Variants in EFEMP1 observed in about 807,000 individuals in gnomAD.
The protein encoded by EFEMP1 is EGF-containing fibulin-like extracellular matrix protein 1.
A neutral mutation model predicts 65.7 loss-of-function variants in EFEMP1; 18 were observed. The ratio of observed to expected loss-of-function variants is 0.27; its 90% CI spans 0.19 to 0.41. The LOEUF (loss-of-function observed/expected upper bound fraction) is 0.41. EFEMP1 is among the 10% of genes least tolerant of loss of function. EFEMP1 has a pLI of 1.00. For synonymous variants in EFEMP1, 237 were observed against 219.7 expected (o/e 1.08, Z -0.70); for missense variants, 469 against 624.8 (o/e 0.75, Z 2.66).
chr2:55,917,625 G>C lies in EFEMP1; in HGVS notation c.517+40C>G, dbSNP rs373477801. The C allele has an allele frequency of 6.2e-7, 1 of 1,613,800 alleles. No individual in the cohort carries two copies. Among genetic ancestry groups the C allele is most frequent in the Non-Finnish European group, 8.5e-7 (1 of 1,179,786 alleles). ...CATCCTCACCACGAGGTGCACTTGG[G>C]CAAAAGCTTTCAATGGTTAGGAAAA... On this transcript the variant is annotated intron_variant, in intron 5 of 11. Coordinates refer to ENST00000355426, the MANE Select transcript of EFEMP1 (RefSeq NM_001039348.3). This position sits in a 1 kb window ranked among gnomAD's most constrained non-coding sequence, Gnocchi z 6.3.
rs1398702588 is a variant in EFEMP1 at position 55,875,009 on chromosome 2, G to A, written c.937C>T (p.Pro313Ser). Residue 313 changes from proline to serine, a missense_variant, in exon 9 of 12, where the codon CCT (proline) becomes TCT (serine). Physicochemically the swap from Pro to Ser is moderately conservative, Grantham distance 74. Transcript: ENST00000355426. ...YLCQYQCVNE[P>S]GKFSCMCPQG... ...GGGCACATACATGAGAATTTCCCAGGTTCATTGACACATTGATATTGACAC... is the reference window on the plus strand; with the variant it reads ...GGGCACATACATGAGAATTTCCCAGATTCATTGACACATTGATATTGACAC... 1 of 1,608,912 alleles carries A rather than the reference G, an allele frequency of 6.2e-7. No homozygotes were observed. Among genetic ancestry groups the A allele is most frequent in the Non-Finnish European group, 8.5e-7 (1 of 1,177,174 alleles).
At chr2:55,900,087 C>G (rs868686803) in intron 5 of EFEMP1, among the ~76,000 whole-genome samples, 1 of 152,242 alleles carries the variant, frequency 6.6e-6, no homozygotes, top group Middle Eastern at 3.4e-3. Context: ...CAGAAACCTA[C>G]AACAAACTGG....
intron 5 of EFEMP1, among the ~76,000 whole-genome samples, chr2:55,888,334 C>CTT (rs71713705): frequency 0.03 from 3,432 of 114,200 alleles, 206 homozygotes; most frequent in Middle Eastern, 0.059. Context: ...CCTTCTTAAA[C>CTT]TTTTTTTTTT....
chr2:55,872,906 A>G (rs1668870374), intron 9 of EFEMP1, among the ~76,000 whole-genome samples: 1 of 152,102 alleles, frequency 6.6e-6, no homozygotes, highest in Non-Finnish European at 1.5e-5. Context: ...GAAGCAAAAG[A>G]CAACCTTATA....
chr2:55,905,430 A>G (rs763769070), intron 5 of EFEMP1, among the ~76,000 whole-genome samples: 112 of 152,250 alleles, frequency 7.4e-4, no homozygotes, highest in Non-Finnish European at 1.3e-3. Flanking sequence ...TTGATACTGT[A>G]AACAGATTTT....
chr2:55,916,491 C>A (rs1256050091), intron 5 of EFEMP1, among the ~76,000 whole-genome samples: 5 of 152,226 alleles, frequency 3.3e-5, no homozygotes, highest in Non-Finnish European at 5.9e-5. Flanking sequence ...TAAGGGGCAG[C>A]ATCCCAGGGC....
Position 55,881,646 on chromosome 2 carries a change from A to G in EFEMP1, c.606T>C (p.Pro202=), listed in dbSNP as rs1411091421. 1.2e-6 allele frequency: 2 copies of G among 1,613,916 alleles called. No individual in the cohort carries two copies. Among genetic ancestry groups the G allele is most frequent in the South Asian group, 2.2e-5 (2 of 91,084 alleles). The change falls in exon 6 of 12, where the codon CCT becomes CCC. Residue 202 remains proline (P), a synonymous_variant. Coordinates refer to ENST00000355426, the MANE Select transcript of EFEMP1 (RefSeq NM_001039348.3). Reference sequence around the variant, plus strand: ...GCTCCCCTCGCTTCTGATATCCAGGAGGGCACTGACATGCAAAGGATCCCC... The same window carrying G: ...GCTCCCCTCGCTTCTGATATCCAGGGGGGCACTGACATGCAAAGGATCCCC... ...NLRGSFACQC[P]PGYQKRGEQC... is the part of the protein sequence containing the mutation.
At chr2:55,913,773 G>A (rs765755700) in intron 5 of EFEMP1, among the ~76,000 whole-genome samples, 7 of 152,130 alleles carry the variant, frequency 4.6e-5, no homozygotes, top group East Asian at 1.9e-4. Flanking sequence ...ACTTTGGGAG[G>A]CTGAGGTGGG....
chr2:55,879,116 C>T lies in EFEMP1; in HGVS notation c.641-1251G>A, dbSNP rs181339337. Among the ~76,000 whole-genome samples the T allele has an allele frequency of 5.3e-5, 8 of 152,250 alleles. No homozygotes were observed. In the East Asian group the frequency reaches 1.5e-3, roughly 29 times the overall value. On this transcript the variant is annotated intron_variant, in intron 6 of 11. Transcript: ENST00000355426. ...GACTTCTTTGTAGTCCTTAACAGTA[C>T]TCGACATTGTGTTATGTGTTTATTT...
Position 55,875,016 on chromosome 2 carries a change from G to A in EFEMP1, c.930C>T (p.Val310=). ...TSSYLCQYQC[V]NEPGKFSCMC... ...TACATGAGAATTTCCCAGGTTCATTGACACATTGATATTGACACAGGTAGC... is the reference window on the plus strand; with the variant it reads ...TACATGAGAATTTCCCAGGTTCATTAACACATTGATATTGACACAGGTAGC... The change falls in exon 9 of 12, where the codon GTC becomes GTT. Residue 310 remains valine (V), a synonymous_variant. Transcript: ENST00000355426. The A allele has an allele frequency of 6.2e-7, 1 of 1,608,410 alleles. No individual in the cohort carries two copies. The highest frequency in any genetic ancestry group is 8.5e-7 in the Non-Finnish European group (1 of 1,176,816).
chr2:55,916,429 C>G (rs1186349180), intron 5 of EFEMP1, among the ~76,000 whole-genome samples: 3 of 152,046 alleles, frequency 2.0e-5, no homozygotes, highest in Non-Finnish European at 4.4e-5. Flanking sequence ...ATTTTTAAGC[C>G]ATTTAAACTC....
intron 5 of EFEMP1, among the ~76,000 whole-genome samples, chr2:55,881,957 A>C (rs770329785): frequency 3.9e-5 from 6 of 152,158 alleles, no homozygotes; most frequent in African/African-American, 1.2e-4. Flanking sequence ...ACATTTTGTC[A>C]TGTTGGTCTT....
At chr2:55,893,388 T>C (rs1256515763) in intron 5 of EFEMP1, among the ~76,000 whole-genome samples, 1 of 152,166 alleles carries the variant, frequency 6.6e-6, no homozygotes, top group Non-Finnish European at 1.5e-5. Flanking sequence ...AGAATAACTC[T>C]TTCTCTTAAA....
rs192835527 is a variant in EFEMP1, at chr2:55,923,299, G to C, written c.-48-360C>G. Among the ~76,000 whole-genome samples, 1 of 152,156 alleles carries C rather than the reference G, an allele frequency of 6.6e-6. No homozygotes were observed. Among genetic ancestry groups the C allele is most frequent in the Non-Finnish European group, 1.5e-5 (1 of 68,030 alleles). ...CAGTTTCGGGCGGGCGGCCTGGCCC[G>C]GCAGGGAGATGAGGTCCCCTTTCTT... On this transcript the variant is annotated intron_variant, in intron 1 of 11. Coordinates refer to ENST00000355426, the MANE Select transcript of EFEMP1 (RefSeq NM_001039348.3). This position sits in a 1 kb window ranked among gnomAD's most constrained non-coding sequence, Gnocchi z 5.3.
chr2:55,918,808 A>G (rs1033612835), intron 3 of EFEMP1, among the ~76,000 whole-genome samples: 14 of 151,958 alleles, frequency 9.2e-5, no homozygotes, highest in African/African-American at 3.1e-4. Context: ...CCCAGCTTCA[A>G]TCTCCTCTCT....
Position 55,899,557 on chromosome 2 carries a change from C to A in EFEMP1, c.518-17823G>T, listed in dbSNP as rs1231304772. 2.0e-5 allele frequency among the ~76,000 whole-genome samples: 3 copies of A among 152,172 alleles called. No homozygotes were observed. The East Asian group carries it at 5.8e-4, about 29-fold the overall frequency. On this transcript the variant is annotated intron_variant, in intron 5 of 11. Transcript: ENST00000355426. ...AAAAACCATCTAGTACTTAAATCTA[C>A]CTGGCTGCATTATTTAAATTATCCT...
chr2:55,890,369 C>A (rs1029841614), intron 5 of EFEMP1, among the ~76,000 whole-genome samples: 1 of 151,952 alleles, frequency 6.6e-6, no homozygotes, highest in African/African-American at 2.4e-5. Flanking sequence ...TTGACAAGCA[C>A]AGTTACAGTA....
At chr2:55,908,119 A>T (rs1291445824) in intron 5 of EFEMP1, among the ~76,000 whole-genome samples, 1 of 152,178 alleles carries the variant, frequency 6.6e-6, no homozygotes, top group African/African-American at 2.4e-5. Context: ...TTGGGACAAG[A>T]TCAGAAAACT....
In EFEMP1 at chr2:55,922,410, T is replaced by A. The variant is rs760892091; in HGVS notation, c.31A>T (p.Thr11Ser). 1 of 1,613,760 alleles carries A rather than the reference T, an allele frequency of 6.2e-7. No individual in the cohort carries two copies. Among genetic ancestry groups the A allele is most frequent in the Admixed American group, 1.7e-5 (1 of 59,986 alleles). Residue 11 changes from threonine (T) to serine (S), a missense_variant, in exon 3 of 12, where the codon ACT (threonine) becomes TCT (serine). Physicochemically the swap from Thr to Ser is moderately conservative, Grantham distance 58. Coordinates refer to ENST00000355426, the MANE Select transcript of EFEMP1 (RefSeq NM_001039348.3). The surrounding 1 kb of genome is among the most constrained non-coding windows in gnomAD (Gnocchi z 5.5). MLKALFLTMLTLALVKSQDTE... is the reference protein window; with the variant it reads MLKALFLTMLSLALVKSQDTE... ...TCCTGTGACTTGACCAGCGCCAGAG[T>A]CAGCATAGTTAGGAAAAGGGCTTTC...
Sources: allele counts gnomAD v4.1 joint callset (sites outside exome capture counted in the v4.1 genomes callset), GRCh38; gene constraint gnomAD v4.1.1; non-coding constraint Gnocchi (gnomAD v3.1); transcripts MANE v1.5; gene names NCBI Gene and HGNC (gene_info 2026-07-23, HGNC 2026-07-21).